Variants in CPD observed in about 807,000 individuals in gnomAD.
CPD encodes carboxypeptidase D, also known as metallocarboxypeptidase D.
In CPD, 69 loss-of-function variants were observed where a neutral mutation model predicts 138.3. That is an observed-to-expected ratio of 0.50 (90% CI 0.41 to 0.61). The LOEUF (loss-of-function observed/expected upper bound fraction) is 0.61. CPD is among the 20% of genes least tolerant of loss of function. The pLI, the probability that CPD is intolerant of heterozygous loss-of-function variation, is 0.00. For synonymous variants in CPD, 651 were observed against 642.1 expected (o/e 1.01, Z -0.21); for missense variants, 1,432 against 1,733.3 (o/e 0.83, Z 3.09).
chr17:30,446,951 C>T (rs963136294), intron 12 of CPD, among the ~76,000 whole-genome samples: 2 of 152,088 alleles, frequency 1.3e-5, no homozygotes, highest in African/African-American at 4.8e-5. Context: ...TTTTGTGTGT[C>T]TTTTGGCTGC....
At chr17:30,461,345 C>G (rs1032569423) in intron 18 of CPD, 34 bp downstream of exon 18, 3 of 1,507,772 alleles carry the variant, frequency 2.0e-6, no homozygotes, top group Admixed American at 4.2e-5. Context: ...AGGCAAACTC[C>G]CAGGAATATG....
chr17:30,384,147 G>A (rs1911121601), intron 1 of CPD, among the ~76,000 whole-genome samples: 1 of 152,184 alleles, frequency 6.6e-6, no homozygotes. Context: ...CTACAGTGAT[G>A]TATTGGAGGA....
At chr17:30,449,208 T>C (rs1913103611) in intron 12 of CPD, among the ~76,000 whole-genome samples, 1 of 152,112 alleles carries the variant, frequency 6.6e-6, no homozygotes, top group Admixed American at 6.5e-5. Context: ...AAAATTTAAT[T>C]TGTGAGTTAG....
intron 6 of CPD, among the ~76,000 whole-genome samples, chr17:30,426,716 C>T (rs1912419464): frequency 6.6e-6 from 1 of 152,134 alleles, no homozygotes; most frequent in Non-Finnish European, 1.5e-5. Context: ...AAATTCAGGC[C>T]CCTCTTATAA....
At chr17:30,409,950 G>A (rs1412425860) in intron 2 of CPD, among the ~76,000 whole-genome samples, 2 of 152,046 alleles carry the variant, frequency 1.3e-5, no homozygotes, top group Non-Finnish European at 2.9e-5. Flanking sequence ...TGTGATGTTA[G>A]GGTGTCAATT....
chr17:30,445,698 C>G lies in CPD; in HGVS notation c.2551C>G (p.Pro851Ala), dbSNP rs762998759. 5.0e-6 allele frequency: 8 copies of G among 1,600,610 alleles called. No individual in the cohort carries two copies. In the Admixed American group the frequency reaches 1.4e-4, roughly 27 times the overall value. The change falls in exon 12 of 21, where the codon CCA becomes GCA. Residue 851 changes from proline (P) to alanine (A), a missense_variant. Pro to Ala is a conservative substitution (Grantham distance 27). This residue lies in a region of CPD where 297 missense variants were observed against 405.3 expected (regional missense o/e 0.73). Transcript: ENST00000225719. Reference sequence around the variant, plus strand: ...CTGTCTCCTTTATCATAGGTATAATCCAGTTACCAAGAATGTGACTGTCAA... The same window carrying G: ...CTGTCTCCTTTATCATAGGTATAATGCAGTTACCAAGAATGTGACTGTCAA... Reference protein sequence around the residue: ...KITASARGYNPVTKNVTVKSE... With the variant: ...KITASARGYNAVTKNVTVKSE...
At position 30,379,679 on chromosome 17, in the gene CPD, C is replaced by T. The variant is rs1473433174; in HGVS notation, c.699C>T (p.Asp233=). Residue 233 remains aspartate, a synonymous_variant, in exon 1 of 21, where the codon GAC becomes GAT. Coordinates refer to ENST00000225719, the MANE Select transcript of CPD (RefSeq NM_001304.5). This position sits in a 1 kb window ranked among gnomAD's most constrained non-coding sequence, Gnocchi z 7.0. ...GCACCGGCGAACCCCCCGCCCTGGA[C>T]GAGGTGCCCGAGGTGCGCGCCCTCA... ...QFSTGEPPAL[D]EVPEVRALIE... 5.3e-6 allele frequency: 8 copies of T among 1,517,524 alleles called. 1 individual carries two copies. The highest frequency in any genetic ancestry group is 4.9e-5 in the South Asian group (4 of 80,982). The allele number at this position is 1,517,524 out of a possible 1,614,324, so 94.0% of individuals were successfully genotyped here.
chr17:30,384,929 T>G, intron 1 of CPD, 60 bp from the exon 2 acceptor site: 1 of 1,554,610 alleles, frequency 6.4e-7, no homozygotes, highest in Non-Finnish European at 8.7e-7. Flanking sequence ...TGGAATTTTT[T>G]TAATGCATGG....
chr17:30,421,649 T>C lies in CPD; in HGVS notation c.1138-15T>C. On this transcript the variant is annotated splice_polypyrimidine_tract_variant and intron_variant, in intron 3 of 20. Transcript: ENST00000225719. ...CAAATTCACCGTCTCTGAGCTTGGA[T>C]TCTTGTCTTCTTAGGTTCACATTGG... 1 of 1,612,670 alleles carries C rather than the reference T, an allele frequency of 6.2e-7. No homozygotes were observed. The highest frequency in any genetic ancestry group is 8.5e-7 in the Non-Finnish European group (1 of 1,179,286).
chr17:30,466,434 T>C lies in CPD; in HGVS notation c.*1620T>C, dbSNP rs1004470281. On this transcript the variant is annotated 3_prime_UTR_variant, in exon 21 of 21. Coordinates refer to ENST00000225719, the MANE Select transcript of CPD (RefSeq NM_001304.5). ...CTTTAGCAAGAATAATGAGGTCATGTCATTTGTTAATAAGTATCTGTGATA... is the reference window on the plus strand; with the variant it reads ...CTTTAGCAAGAATAATGAGGTCATGCCATTTGTTAATAAGTATCTGTGATA... 6.5e-6 allele frequency: 1 copy of C among 152,752 alleles called. No individual in the cohort carries two copies. The highest frequency in any genetic ancestry group is 2.4e-5 in the African/African-American group (1 of 41,586). 9.5% of individuals were successfully genotyped at this position (152,752 alleles called of 1,614,324 possible). A position where few individuals can be genotyped will look rare whatever the true frequency, so the allele number is the denominator to read the frequency against.
intron 2 of CPD, among the ~76,000 whole-genome samples, chr17:30,395,603 C>A (rs1221145352): frequency 6.6e-6 from 1 of 151,810 alleles, no homozygotes; most frequent in Admixed American, 6.6e-5. Context: ...ATGAAGAGAA[C>A]CTAACACTCC....
intron 2 of CPD, among the ~76,000 whole-genome samples, chr17:30,400,368 TACTTA>T (rs1489464126): frequency 1.3e-5 from 2 of 152,192 alleles, no homozygotes; most frequent in African/African-American, 2.4e-5. Context: ...TTTTATGTTG[TACTTA>T]ACTTATATAT....
rs1166653151 is a variant in CPD, at chr17:30,421,801, T to C, written c.1275T>C (p.Pro425=). 4.3e-6 allele frequency: 7 copies of C among 1,613,672 alleles called. No homozygotes were observed. The South Asian group carries it at 5.5e-5, about 13-fold the overall frequency. Residue 425 remains proline, a synonymous_variant, in exon 4 of 21, where the codon CCT becomes CCC. Transcript: ENST00000225719. The part of the protein sequence containing the change: ...RFGDFYRLLV[P]GTYNLTVVLT... Reference sequence around the variant, plus strand: ...GTGATTTCTACCGATTACTTGTTCCTGGAACTTACAACCTTACAGTAGTTT... The same window carrying C: ...GTGATTTCTACCGATTACTTGTTCCCGGAACTTACAACCTTACAGTAGTTT...
chr17:30,411,289 C>T (rs905174695), intron 2 of CPD, among the ~76,000 whole-genome samples: 1 of 152,178 alleles, frequency 6.6e-6, no homozygotes, highest in Admixed American at 6.5e-5. Flanking sequence ...CTGCCTTTAA[C>T]ATTTTTTCCT....
chr17:30,418,069 C>A (rs1912162720), intron 2 of CPD, among the ~76,000 whole-genome samples: 1 of 152,134 alleles, frequency 6.6e-6, no homozygotes, highest in Non-Finnish European at 1.5e-5. Context: ...ACAGTTTTAT[C>A]TTTAAGATAT....
At chr17:30,387,473 C>A (rs1011069699) in intron 2 of CPD, among the ~76,000 whole-genome samples, 8 of 152,142 alleles carry the variant, frequency 5.3e-5, no homozygotes, top group African/African-American at 1.9e-4. Context: ...GCTATGAAAA[C>A]AGCTATTACT....
rs1910972101 is a variant in CPD, at chr17:30,379,205, C to T, written c.225C>T (p.Gly75=). The T allele has an allele frequency of 7.2e-6, 11 of 1,529,056 alleles. No individual in the cohort carries two copies. The highest frequency in any genetic ancestry group is 9.6e-6 in the Non-Finnish European group (11 of 1,142,966). 94.7% of individuals were successfully genotyped at this position (1,529,056 alleles called of 1,614,324 possible). A position where few individuals can be genotyped will look rare whatever the true frequency, so the allele number is the denominator to read the frequency against. ...ESALREAAAA[G]LPGLARLFSI... is the part of the protein sequence containing the mutation. ...CGCTGAGGGAGGCGGCGGCCGCGGGCCTCCCCGGCCTGGCCCGCCTCTTTA... is the reference window on the plus strand; with the variant it reads ...CGCTGAGGGAGGCGGCGGCCGCGGGTCTCCCCGGCCTGGCCCGCCTCTTTA... Residue 75 remains glycine (G), a synonymous_variant, in exon 1 of 21, where the codon GGC becomes GGT. Transcript: ENST00000225719. The surrounding 1 kb of genome is among the most constrained non-coding windows in gnomAD (Gnocchi z 7.0).
rs1441537874 is a variant in CPD at position 30,464,862 on chromosome 17, A to T, written c.*48A>T. On this transcript the variant is annotated 3_prime_UTR_variant, in exon 21 of 21. Coordinates refer to ENST00000225719, the MANE Select transcript of CPD (RefSeq NM_001304.5). ...CAGCATAAGTACCAAGCAAAATTAC[A>T]GTTCCTCTTGGGAGAACACTGCATT... 6.8e-7 allele frequency: 1 copy of T among 1,461,868 alleles called. No homozygotes were observed. The allele number at this position is 1,461,868 out of a possible 1,614,324, so 90.6% of individuals were successfully genotyped here.
chr17:30,385,292 T>C lies in CPD; in HGVS notation c.994+56T>C, dbSNP rs1416835772. 7 of 1,553,974 alleles carry C rather than the reference T, an allele frequency of 4.5e-6. No homozygotes were observed. In the South Asian group the frequency reaches 4.9e-5, roughly 11 times the overall value. On this transcript the variant is annotated intron_variant, in intron 2 of 20. Transcript: ENST00000225719. ...CCCCCTTGTTCGTTGAATTTTGTTATGTGTATTCTGAGCAAAAAAGAAGAA... is the reference window on the plus strand; with the variant it reads ...CCCCCTTGTTCGTTGAATTTTGTTACGTGTATTCTGAGCAAAAAAGAAGAA...
Sources: gnomAD v4.1 joint callset for allele counts (sites outside exome capture counted in the v4.1 genomes callset) on GRCh38, gnomAD v4.1.1 for gene constraint, gnomAD v4.1.1 regional missense constraint, Gnocchi (gnomAD v3.1) non-coding constraint, MANE v1.5 for transcripts, NCBI Gene and HGNC (gene_info 2026-07-23, HGNC 2026-07-21) for gene names.